The following ME3 variants were observed in gnomAD, a reference collection of about 807,000 sequenced individuals.
ME3 encodes malic enzyme 3.
ME3 carries 48 observed loss-of-function variants against 68.9 expected under a neutral mutation model. The observed-to-expected ratio is 0.70, with a 90% CI of 0.55 to 0.89. The LOEUF (loss-of-function observed/expected upper bound fraction) is 0.89. Among genes scored for constraint, ME3 ranks in the 40% least tolerant of loss-of-function variants. ME3 has a pLI of 0.00. For missense variants in ME3, 675 were observed against 797.4 expected, an observed-to-expected ratio of 0.85 and a Z score of 1.85; for synonymous variants, 320 against 318.8, an observed-to-expected ratio of 1.00 and a Z score of -0.04.
intron 2 of ME3, among the ~76,000 whole-genome samples, chr11:86,569,757 A>G (rs1346734069): frequency 6.6e-6 from 1 of 152,088 alleles, no homozygotes; most frequent in Non-Finnish European, 1.5e-5. Context: ...TATTATCCCC[A>G]CTTTGTGGAC....
intron 7 of ME3, among the ~76,000 whole-genome samples, chr11:86,486,964 G>A (rs2446227): frequency 1 from 152,046 of 152,350 alleles, 75,880 homozygotes; most frequent in Middle Eastern, 1. Flanking sequence ...GCCTTCCAAA[G>A]CCATTTCATC....
chr11:86,526,977 C>T (rs1226692916), intron 4 of ME3, among the ~76,000 whole-genome samples: 8 of 152,176 alleles, frequency 5.3e-5, no homozygotes, highest in African/African-American at 9.7e-5. Flanking sequence ...TCCAAAGGAA[C>T]GCAGCTCCTC....
chr11:86,451,751 C>G (rs1949644044), intron 8 of ME3, among the ~76,000 whole-genome samples: 1 of 152,214 alleles, frequency 6.6e-6, no homozygotes, highest in Non-Finnish European at 1.5e-5. Flanking sequence ...TCTGCCAGCA[C>G]CATCATCTAT....
At chr11:86,652,226 T>C (rs1945492840) in intron 2 of ME3, among the ~76,000 whole-genome samples, 1 of 151,938 alleles carries the variant, frequency 6.6e-6, no homozygotes, top group African/African-American at 2.4e-5. Context: ...AACATTTAGA[T>C]TCAGGAAATA....
chr11:86,528,972 C>T (rs966352893), intron 4 of ME3, among the ~76,000 whole-genome samples: 2 of 152,064 alleles, frequency 1.3e-5, no homozygotes, highest in Non-Finnish European at 2.9e-5. Flanking sequence ...CAAACACATT[C>T]AAAAGCTAGC....
intron 7 of ME3, among the ~76,000 whole-genome samples, chr11:86,486,316 A>T (rs1435156857): frequency 2.0e-5 from 3 of 152,252 alleles, no homozygotes; most frequent in Non-Finnish European, 4.4e-5. Flanking sequence ...TCATCTTAAA[A>T]AACAAAACAC....
At chr11:86,651,432 T>C (rs1342711981) in intron 2 of ME3, among the ~76,000 whole-genome samples, 1 of 152,204 alleles carries the variant, frequency 6.6e-6, no homozygotes, top group African/African-American at 2.4e-5. Context: ...CATTTGCTGT[T>C]CATCAATATC....
At chr11:86,623,914 C>T (rs1193986656) in intron 2 of ME3, among the ~76,000 whole-genome samples, 1 of 152,176 alleles carries the variant, frequency 6.6e-6, no homozygotes, top group Non-Finnish European at 1.5e-5. Context: ...TCACACCTCC[C>T]TGCCTGCCCA....
intron 5 of ME3, among the ~76,000 whole-genome samples, chr11:86,501,552 A>G (rs138350525): frequency 7.0e-4 from 106 of 152,320 alleles, no homozygotes; most frequent in Middle Eastern, 3.4e-3. Context: ...CTCTAAGTAG[A>G]TGACACCTGT....
At chr11:86,654,751 A>C (rs1945735528) in intron 2 of ME3, among the ~76,000 whole-genome samples, 2 of 152,222 alleles carry the variant, frequency 1.3e-5, no homozygotes, top group African/African-American at 4.8e-5. Flanking sequence ...GGCCAGGGCA[A>C]TCAGGCAGGA....
chr11:86,611,605 TGGGG>T lies in ME3; in HGVS notation c.184-51786_184-51783del, dbSNP rs59161522. On this transcript the variant is annotated intron_variant, in intron 2 of 14. Transcript: ENST00000543262. ...ATTTGTCAAATATAACTCAATAAAG[TGGGG>T]GGGGGGGGAAGAAAAATGAATATCT... 7.8e-3 allele frequency among the ~76,000 whole-genome samples: 1,008 copies of T among 129,540 alleles called. 12 individuals carry two copies. The highest frequency in any genetic ancestry group is 0.01 in the Non-Finnish European group (615 of 60,670). The allele number at this position is 129,540 out of a possible 152,430, so 85.0% of individuals were successfully genotyped here. A position where few individuals can be genotyped will look rare whatever the true frequency, so the allele number is the denominator to read the frequency against.
At chr11:86,661,337 G>A (rs1946262461) in intron 2 of ME3, among the ~76,000 whole-genome samples, 4 of 152,234 alleles carry the variant, frequency 2.6e-5, no homozygotes, top group Admixed American at 2.6e-4. Context: ...GCATGCCAAA[G>A]TTTTTAAGTG....
chr11:86,557,508 G>C (rs933398060), intron 3 of ME3, among the ~76,000 whole-genome samples: 4 of 152,198 alleles, frequency 2.6e-5, no homozygotes, highest in Non-Finnish European at 5.9e-5. Flanking sequence ...AAAAAAGTCT[G>C]TGGTCTGGTG....
Position 86,448,359 on chromosome 11 carries a change from C to T in ME3, c.1132-104G>A, listed in dbSNP as rs1949440591. On this transcript the variant is annotated intron_variant, in intron 10 of 14. Transcript: ENST00000543262. ...AGAGCGTTTCCTGCTGAGCCCCATG[C>T]TTTGGTTTGAGCTGTCAGATGTTTT... The T allele has an allele frequency of 5.9e-6, 5 of 842,550 alleles. No homozygotes were observed. The East Asian group carries it at 1.2e-4, about 21-fold the overall frequency. The allele number at this position is 842,550 out of a possible 1,614,324, so 52.2% of individuals were successfully genotyped here. A position where few individuals can be genotyped will look rare whatever the true frequency, so the allele number is the denominator to read the frequency against.
At chr11:86,622,566 A>G (rs746707885) in intron 2 of ME3, among the ~76,000 whole-genome samples, 3 of 152,028 alleles carry the variant, frequency 2.0e-5, no homozygotes, top group Non-Finnish European at 4.4e-5. Context: ...ACCACAACTG[A>G]AAAACACTGA....
chr11:86,665,682 G>A (rs893363657), intron 2 of ME3, among the ~76,000 whole-genome samples: 2 of 152,210 alleles, frequency 1.3e-5, no homozygotes, highest in South Asian at 4.1e-4. Context: ...AAGGGAAAGA[G>A]GAGACCAGCC....
At chr11:86,571,809 G>C (rs1028317405) in intron 2 of ME3, among the ~76,000 whole-genome samples, 1 of 152,212 alleles carries the variant, frequency 6.6e-6, no homozygotes, top group Non-Finnish European at 1.5e-5. Flanking sequence ...ATAGGAGTTA[G>C]AGATTAACGT....
intron 4 of ME3, among the ~76,000 whole-genome samples, chr11:86,521,431 A>AAAAAAATAATAAT (rs1271326906): frequency 6.9e-6 from 1 of 145,924 alleles, no homozygotes; most frequent in Non-Finnish European, 1.5e-5. Context: ...AACAAAACAA[A>AAAAAAATAATAAT]AATAATAATA....
intron 4 of ME3, among the ~76,000 whole-genome samples, chr11:86,539,867 A>C (rs1955928441): frequency 6.6e-6 from 1 of 152,188 alleles, no homozygotes; most frequent in African/African-American, 2.4e-5. Context: ...CTTGGGCCCC[A>C]TATAAAATAT....
Sources: gnomAD v4.1 joint callset for allele counts (sites outside exome capture counted in the v4.1 genomes callset) on GRCh38, gnomAD v4.1.1 for gene constraint, MANE v1.5 for transcripts, NCBI Gene and HGNC (gene_info 2026-07-23, HGNC 2026-07-21) for gene names.